Variants in TPR observed in about 807,000 individuals in gnomAD.
TPR encodes the protein translocated promoter region, nuclear basket protein, also known as nucleoprotein TPR.
TPR carries 51 observed loss-of-function variants against 316.1 expected under a neutral mutation model. The ratio of observed to expected loss-of-function variants is 0.16; its 90% confidence interval spans 0.13 to 0.20. The LOEUF (loss-of-function observed/expected upper bound fraction) is 0.20. Among genes scored for constraint, TPR ranks in the 10% least tolerant of loss-of-function variants. TPR has a pLI of 1.00. For synonymous variants in TPR, 981 were observed against 914.7 expected (o/e 1.07, Z -1.31); for missense variants, 2,272 against 2,754.8 (o/e 0.82, Z 3.92).
At chr1:186,352,135 A>G in intron 18 of TPR, 25 bp from the exon 19 acceptor site, 1 of 1,568,332 alleles carries the variant, frequency 6.4e-7, no homozygotes, top group Non-Finnish European at 8.6e-7. Flanking sequence ...AAATGAAATA[A>G]AAAATGCTGA....
rs1658494671 is a variant in TPR at position 186,341,040 on chromosome 1, T to C, written c.4008A>G (p.Lys1336=). 2 of 1,613,668 alleles carry C rather than the reference T, an allele frequency of 1.2e-6. No homozygotes were observed. Among genetic ancestry groups the C allele is most frequent in the Middle Eastern group, 1.6e-4 (1 of 6,080 alleles). The change falls in exon 29 of 51, where the codon AAA becomes AAG. Residue 1336 remains lysine, a synonymous_variant. Coordinates refer to ENST00000367478, the MANE Select transcript of TPR (RefSeq NM_003292.3). ...KLLEEDVKRW[K]ARNQHLVSQQ... The stretch of plus-strand genomic sequence containing the variant: ...TAACTGCATTTACCTGGTTACGTGC[T>C]TTCCAACGTTTGACATCCTCTTCTA...
In TPR at chr1:186,312,172, C is replaced by T. The variant is rs749269200; in HGVS notation, c.*1799G>A. 3 of 1,612,662 alleles carry T rather than the reference C, an allele frequency of 1.9e-6. No homozygotes were observed. The highest frequency in any genetic ancestry group is 1.3e-5 in the African/African-American group (1 of 74,930). On this transcript the variant is annotated 3_prime_UTR_variant, in exon 51 of 51. Transcript: ENST00000367478. The stretch of plus-strand genomic sequence containing the variant: ...TTCCATGTGATATTCTAATACATAA[C>T]AGGTGGCAGCATTCAGCAGTATATT...
chr1:186,364,876 C>G (rs1039844588), intron 4 of TPR, among the ~76,000 whole-genome samples: 1 of 152,220 alleles, frequency 6.6e-6, no homozygotes, highest in Admixed American at 6.5e-5. Flanking sequence ...AAGGGATAGG[C>G]TAACTCTACC....
chr1:186,347,343 T>C lies in TPR; in HGVS notation c.2892A>G (p.Gln964=). The C allele has an allele frequency of 6.2e-7, 1 of 1,614,062 alleles. No homozygotes were observed. ...CTAAACTAGTAACCATTGCTTGATA[T>C]TGTTCCACATTGCTCGTACTTGTTT... ...RLKTSTSNVE[Q]YQAMVTSLEE... is the part of the protein sequence containing the mutation. The change falls in exon 22 of 51, where the codon CAA becomes CAG. Residue 964 remains glutamine, a synonymous_variant. Coordinates refer to ENST00000367478, the MANE Select transcript of TPR (RefSeq NM_003292.3).
chr1:186,370,866 T>C, intron 3 of TPR, 104 bp downstream of exon 3: 1 of 924,528 alleles, frequency 1.1e-6, no homozygotes, highest in Non-Finnish European at 1.7e-6. Flanking sequence ...TAATAGGACA[T>C]CAGTTACATC....
In TPR at chr1:186,315,229, CA is replaced by C. The variant is rs76658724; in HGVS notation, c.6941-506del. Among the ~76,000 whole-genome samples the C allele has an allele frequency of 3.5e-4, 50 of 141,342 alleles. 1 individual carries two copies. Among genetic ancestry groups the C allele is most frequent in the African/African-American group, 9.7e-4 (36 of 37,248 alleles). The allele number at this position is 141,342 out of a possible 152,430, so 92.7% of individuals were successfully genotyped here. A position where few individuals can be genotyped will look rare whatever the true frequency, so the allele number is the denominator to read the frequency against. On this transcript the variant is annotated intron_variant, in intron 49 of 50. Transcript: ENST00000367478. ...CTCAAAAAAAAAACAAACAAACAAACAAAAAAAAAACACCAAAAAAAAACCA... is the reference window on the plus strand; with the variant it reads ...CTCAAAAAAAAAACAAACAAACAAACAAAAAAAAACACCAAAAAAAAACCA...
chr1:186,361,708 C>T lies in TPR; in HGVS notation c.872G>A (p.Ser291Asn), dbSNP rs749834337. Reference sequence around the variant, plus strand: ...CTTTGCTTCTGAGTCATCAGCGGCACTCTAAAAGTTAATCTTAAAAAGTTA... The same window carrying T: ...CTTTGCTTCTGAGTCATCAGCGGCATTCTAAAAGTTAATCTTAAAAAGTTA... ...AHIKLSNLYK[S>N]AADDSEAKSN... The change falls in exon 9 of 51, where the codon AGT becomes AAT. Residue 291 changes from serine (S) to asparagine (N), a missense_variant and splice_region_variant. Transcript: ENST00000367478. 1.9e-6 allele frequency: 3 copies of T among 1,613,340 alleles called. No homozygotes were observed. Among genetic ancestry groups the T allele is most frequent in the Non-Finnish European group, 2.5e-6 (3 of 1,179,430 alleles).
chr1:186,353,727 T>C lies in TPR; in HGVS notation c.2295A>G (p.Gln765=), dbSNP rs752016735. The change falls in exon 18 of 51, where the codon CAA becomes CAG. Residue 765 remains glutamine, a synonymous_variant. Transcript: ENST00000367478. The stretch of plus-strand genomic sequence containing the variant: ...GCTTCTCATTTGCTCCTCTCAAATC[T>C]TGAGTCATCGTATTGATAATCTGTT... ...KQEQIINTMT[Q]DLRGANEKLA... 5 of 1,614,040 alleles carry C rather than the reference T, an allele frequency of 3.1e-6. No individual in the cohort carries two copies. The highest frequency in any genetic ancestry group is 1.3e-5 in the African/African-American group (1 of 74,946).
Position 186,333,173 on chromosome 1 carries a change from G to C in TPR, c.5404C>G (p.Gln1802Glu), listed in dbSNP as rs1376403837. The C allele has an allele frequency of 6.2e-7, 1 of 1,613,480 alleles. No homozygotes were observed. Residue 1802 changes from glutamine (Q) to glutamate (E), a missense_variant, in exon 37 of 51, where the codon CAG (glutamine) becomes GAG (glutamate). Coordinates refer to ENST00000367478, the MANE Select transcript of TPR (RefSeq NM_003292.3). Reference sequence around the variant, plus strand: ...GAAGGCCGCTCAACTGGTGAACTCTGAACAACCTCTACTATGTTTGAAGAT... The same window carrying C: ...GAAGGCCGCTCAACTGGTGAACTCTCAACAACCTCTACTATGTTTGAAGAT... ...ELSSNIVEVV[Q>E]SSPVERPSTS...
intron 21 of TPR, among the ~76,000 whole-genome samples, chr1:186,349,797 C>T (rs145934009): frequency 1.2e-4 from 18 of 152,184 alleles, no homozygotes; most frequent in African/African-American, 2.4e-4. Flanking sequence ...AGGCTACCAA[C>T]GAGCAAATAT....
At chr1:186,343,602 A>T in intron 26 of TPR, 129 bp from the exon 27 acceptor site, 1 of 840,990 alleles carries the variant, frequency 1.2e-6, no homozygotes, top group Non-Finnish European at 1.8e-6. Flanking sequence ...TTAATAATAA[A>T]TAATAATGGG....
chr1:186,335,652 T>C, intron 33 of TPR, 109 bp from the exon 34 acceptor site: 2 of 790,846 alleles, frequency 2.5e-6, no homozygotes, highest in Non-Finnish European at 3.9e-6. Flanking sequence ...CTATAACATC[T>C]ACATTAGTTA....
In TPR at chr1:186,343,951, A is replaced by G. The variant is rs1658597208; in HGVS notation, c.3557T>C (p.Leu1186Pro). The change falls in exon 26 of 51, where the codon CTC becomes CCC. Residue 1186 changes from leucine to proline, a missense_variant. Around this residue, in one of 10 missense-constraint regions of TPR, gnomAD observed 757 missense variants for 859.8 expected, o/e 0.88. Transcript: ENST00000367478. ...TTCTTGAGATTTTCCTTCTTCACTGAGAGATACATTCAGTGGACCTTGTAC... is the reference window on the plus strand; with the variant it reads ...TTCTTGAGATTTTCCTTCTTCACTGGGAGATACATTCAGTGGACCTTGTAC... ...EGVQGPLNVS[L>P]SEEGKSQEQI... is the part of the protein sequence containing the mutation. 8 of 1,613,642 alleles carry G rather than the reference A, an allele frequency of 5.0e-6. No individual in the cohort carries two copies. Among genetic ancestry groups the G allele is most frequent in the Non-Finnish European group, 6.8e-6 (8 of 1,179,888 alleles).
chr1:186,318,912 A>G (rs1305360858), intron 46 of TPR, 84 bp from the exon 47 acceptor site: 27 of 1,261,710 alleles, frequency 2.1e-5, no homozygotes, highest in Admixed American at 9.3e-5. Context: ...AAAAATATTA[A>G]TTATTGGAGA....
chr1:186,360,072 A>C, intron 11 of TPR, 76 bp from the exon 12 acceptor site: 1 of 1,465,184 alleles, frequency 6.8e-7, no homozygotes, highest in African/African-American at 1.4e-5. Context: ...TTCATAATAA[A>C]CATTCTTTAA....
intron 11 of TPR, 86 bp downstream of exon 11, chr1:186,360,187 T>G: frequency 6.8e-7 from 1 of 1,465,988 alleles, no homozygotes; most frequent in Non-Finnish European, 9.3e-7. Flanking sequence ...ATTTTAAAAA[T>G]AAGTTTTGGG....
In TPR at chr1:186,339,629, T is replaced by G. The variant is rs1396298710; in HGVS notation, c.4151+13A>C. 1 of 1,536,650 alleles carries G rather than the reference T, an allele frequency of 6.5e-7. No individual in the cohort carries two copies. The highest frequency in any genetic ancestry group is 2.2e-5 in the Admixed American group (1 of 45,868). On this transcript the variant is annotated intron_variant, in intron 30 of 50. Transcript: ENST00000367478. ...TTTATATTATATATGATTTAAGGCT[T>G]CTTTCCATATACCTTGCAATTTCAG...
chr1:186,361,958 AAAGT>A (rs1659205211), intron 7 of TPR, 89 bp from the exon 8 acceptor site: 1 of 1,294,670 alleles, frequency 7.7e-7, no homozygotes, highest in South Asian at 1.4e-5. Flanking sequence ...CCATTTTTGT[AAAGT>A]AAGAGCTAAA....
Position 186,372,696 on chromosome 1 carries a change from T to C in TPR, c.256+663A>G, listed in dbSNP as rs1001579470. On this transcript the variant is annotated intron_variant, in intron 2 of 50. Transcript: ENST00000367478. Reference sequence around the variant, plus strand: ...CTCGGAAGCTAAGCAGGGTGGGGCCTGGTCAGAACTTGGATGGGAAAAGCA... The same window carrying C: ...CTCGGAAGCTAAGCAGGGTGGGGCCCGGTCAGAACTTGGATGGGAAAAGCA... 8.5e-5 allele frequency among the ~76,000 whole-genome samples: 13 copies of C among 152,166 alleles called. 1 individual carries two copies. The highest frequency in any genetic ancestry group is 3.1e-4 in the African/African-American group (13 of 41,446).
Sources: allele counts gnomAD v4.1 joint callset (sites outside exome capture counted in the v4.1 genomes callset), GRCh38; gene constraint gnomAD v4.1.1; regional missense constraint gnomAD v4.1.1; transcripts MANE v1.5; gene names NCBI Gene and HGNC (gene_info 2026-07-23, HGNC 2026-07-21).